Variants in EXOC2 observed in about 807,000 individuals in gnomAD.
EXOC2 encodes the protein exocyst complex component 2, also known as SEC5-like 1.
In EXOC2, 70 loss-of-function variants were observed where a neutral mutation model predicts 131.8. The ratio of observed to expected loss-of-function variants is 0.53; its 90% CI spans 0.44 to 0.65. The LOEUF is 0.65. EXOC2 is among the 30% of genes least tolerant of loss of function. The pLI is 0.00. For missense variants in EXOC2, 923 were observed against 1,108.6 expected (o/e 0.83, Z 2.38); for synonymous variants, 411 against 398.4 (o/e 1.03, Z -0.38).
At chr6:688,695 T>G (rs1764777903) in intron 1 of EXOC2, among the ~76,000 whole-genome samples, 1 of 152,204 alleles carries the variant, frequency 6.6e-6, no homozygotes, top group Non-Finnish European at 1.5e-5. Flanking sequence ...CCTTCTGTCC[T>G]TTCTGGTTAC....
At chr6:618,282 C>T (rs1761112755) in intron 5 of EXOC2, among the ~76,000 whole-genome samples, 1 of 152,186 alleles carries the variant, frequency 6.6e-6, no homozygotes, top group African/African-American at 2.4e-5. Context: ...TAATGTTATA[C>T]TTATCAGTAT....
intron 27 of EXOC2, among the ~76,000 whole-genome samples, chr6:488,598 ACCGACTC>A (rs1274681821): frequency 2.6e-5 from 4 of 152,046 alleles, no homozygotes; most frequent in Non-Finnish European, 2.9e-5. Context: ...AAAAAAAATC[ACCGACTC>A]CTGCATTTTA....
At position 532,559 on chromosome 6, in the gene EXOC2, T is replaced by C. The variant is rs1255504025; in HGVS notation, c.2290A>G (p.Ile764Val). The change falls in exon 23 of 28, where the codon ATC (isoleucine) becomes GTC (valine). Residue 764 changes from isoleucine to valine, a missense_variant. By Grantham distance (29) the Ile-to-Val change is conservative. Coordinates refer to ENST00000230449, the MANE Select transcript of EXOC2 (RefSeq NM_018303.6). ...ELDQRLFENY[I>V]ELKADPIVGS... is the part of the protein sequence containing the mutation. ...ACGATGGGATCTGCTTTCAACTCGA[T>C]GTAATTTTCAAAGAGTCTTTGATCT... 1 of 1,609,812 alleles carries C rather than the reference T, an allele frequency of 6.2e-7. No homozygotes were observed. Among genetic ancestry groups the C allele is most frequent in the Non-Finnish European group, 8.5e-7 (1 of 1,178,704 alleles).
At chr6:645,908 C>G (rs961425206) in intron 1 of EXOC2, among the ~76,000 whole-genome samples, 6 of 152,190 alleles carry the variant, frequency 3.9e-5, no homozygotes, top group Admixed American at 3.9e-4. Flanking sequence ...AAGTGTATGT[C>G]AAAAGGCCAC....
intron 1 of EXOC2, chr6:656,711 G>T: frequency 2.5e-6 from 4 of 1,601,878 alleles, no homozygotes; most frequent in Non-Finnish European, 3.4e-6. Flanking sequence ...GCTCCAGGTG[G>T]ATCTCATCGA....
chr6:548,908 G>A (rs888673095), intron 22 of EXOC2, among the ~76,000 whole-genome samples: 1 of 152,188 alleles, frequency 6.6e-6, no homozygotes, highest in Non-Finnish European at 1.5e-5. Context: ...CTTTTGAACA[G>A]CTCAGGTGAG....
At chr6:652,298 C>T (rs1400233360) in intron 1 of EXOC2, among the ~76,000 whole-genome samples, 1 of 152,166 alleles carries the variant, frequency 6.6e-6, no homozygotes, top group Non-Finnish European at 1.5e-5. Flanking sequence ...CCAACGGAAA[C>T]ACATCTTAGT....
At chr6:680,420 G>A (rs1372097428) in intron 1 of EXOC2, among the ~76,000 whole-genome samples, 1 of 152,206 alleles carries the variant, frequency 6.6e-6, no homozygotes, top group African/African-American at 2.4e-5. Flanking sequence ...TGCACACCAG[G>A]GGTCAATTAT....
At chr6:569,410 T>C (rs1172541504) in intron 13 of EXOC2, among the ~76,000 whole-genome samples, 13 of 152,228 alleles carry the variant, frequency 8.5e-5, no homozygotes, top group African/African-American at 2.9e-4. Flanking sequence ...TTTTAAACTG[T>C]TGGAAACTTC....
intron 23 of EXOC2, among the ~76,000 whole-genome samples, chr6:529,672 G>A (rs139442258): frequency 4.6e-5 from 7 of 152,066 alleles, no homozygotes; most frequent in East Asian, 1.9e-4. Context: ...AACAGTTAAC[G>A]TACTTACATG....
chr6:488,711 C>CCAGT (rs1763243247), intron 27 of EXOC2, among the ~76,000 whole-genome samples: 1 of 152,094 alleles, frequency 6.6e-6, no homozygotes, highest in Admixed American at 6.5e-5. Context: ...CTTTTCTATA[C>CCAGT]CAGTCACTTG....
At chr6:656,855 G>A (rs1288980229) in intron 1 of EXOC2, 4 of 1,609,858 alleles carry the variant, frequency 2.5e-6, no homozygotes, top group Non-Finnish European at 3.4e-6. Flanking sequence ...CGCGGAGCAC[G>A]CAGACCTTCG....
chr6:636,214 A>T (rs1165294660), intron 2 of EXOC2, among the ~76,000 whole-genome samples: 1 of 152,160 alleles, frequency 6.6e-6, no homozygotes, highest in East Asian at 1.9e-4. Flanking sequence ...TCTGGACGGA[A>T]CCCCCACCTG....
chr6:574,346 G>A (rs1421537095), intron 12 of EXOC2, among the ~76,000 whole-genome samples: 3 of 152,174 alleles, frequency 2.0e-5, no homozygotes, highest in East Asian at 3.8e-4. Context: ...CCGGTGACAC[G>A]TGCAAGTAGT....
At chr6:636,835 C>T (rs1381783789) in intron 2 of EXOC2, among the ~76,000 whole-genome samples, 1 of 152,222 alleles carries the variant, frequency 6.6e-6, no homozygotes, top group Non-Finnish European at 1.5e-5. Flanking sequence ...TAAAATTATA[C>T]TTAAAACTCT....
At chr6:494,921 C>T (rs545698825) in intron 25 of EXOC2, among the ~76,000 whole-genome samples, 2 of 152,246 alleles carry the variant, frequency 1.3e-5, no homozygotes, top group South Asian at 4.1e-4. Flanking sequence ...ACTCTGTCGC[C>T]CAGTCTGGAT....
intron 1 of EXOC2, among the ~76,000 whole-genome samples, chr6:649,702 CAA>C (rs1762745959): frequency 6.6e-6 from 1 of 152,176 alleles, no homozygotes; most frequent in Non-Finnish European, 1.5e-5. Context: ...AATATACACG[CAA>C]GAGTAATTTC....
At chr6:672,026 T>C (rs1334906176) in intron 1 of EXOC2, among the ~76,000 whole-genome samples, 3 of 152,230 alleles carry the variant, frequency 2.0e-5, no homozygotes, top group Admixed American at 1.3e-4. Context: ...CAAATATTTC[T>C]TCTGTTATTT....
In EXOC2 at chr6:605,666, T is replaced by C. The variant is rs187870242; in HGVS notation, c.742+4432A>G. 3.4e-3 allele frequency among the ~76,000 whole-genome samples: 513 copies of C among 152,358 alleles called. 3 individuals carry two copies. Among genetic ancestry groups the C allele is most frequent in the Admixed American group, 7.3e-3 (112 of 15,306 alleles). ...TTCAAAAGCCAGCTCCTGGATTCAC[T>C]GATTTTTTGAAGGGTTTTTTGTGTC... On this transcript the variant is annotated intron_variant, in intron 7 of 27. Transcript: ENST00000230449.
Sources: gnomAD v4.1 joint callset for allele counts (sites outside exome capture counted in the v4.1 genomes callset) on GRCh38, gnomAD v4.1.1 for gene constraint, MANE v1.5 for transcripts, NCBI Gene and HGNC (gene_info 2026-07-23, HGNC 2026-07-21) for gene names.